BACE2: variants seen among roughly 807,000 people sequenced by gnomAD.
The protein encoded by BACE2 is 56 kDa aspartic-like protease.
In BACE2, 17 loss-of-function variants were observed where a neutral mutation model predicts 46.2. The observed-to-expected ratio is 0.37, with a 90% confidence interval of 0.25 to 0.55. The LOEUF (loss-of-function observed/expected upper bound fraction) is 0.55. Among genes scored for constraint, BACE2 ranks in the 20% least tolerant of loss-of-function variants. The pLI, the probability that BACE2 is intolerant of heterozygous loss-of-function variation, is 0.82. For synonymous variants in BACE2, 277 were observed against 295.9 expected (o/e 0.94, Z 0.66); for missense variants, 595 against 698.1 (o/e 0.85, Z 1.66).
chr21:41,175,827 G>A (rs1479098930), intron 1 of BACE2: 3 of 152,244 alleles, frequency 2.0e-5, no homozygotes, highest in Non-Finnish European at 2.9e-5. Context: ...TGGTGGAGGT[G>A]GGCATGAATT....
chr21:41,218,153 C>T (rs1182985602), intron 1 of BACE2, among the ~76,000 whole-genome samples: 2 of 152,104 alleles, frequency 1.3e-5, no homozygotes, highest in African/African-American at 4.8e-5. Context: ...AACTACAGAA[C>T]GATGGTTCTA....
intron 1 of BACE2, among the ~76,000 whole-genome samples, chr21:41,191,149 C>A (rs374091559): frequency 6.6e-6 from 1 of 152,132 alleles, no homozygotes. Flanking sequence ...ATATATGGGA[C>A]GCTGATTCAG....
At chr21:41,190,534 C>T (rs978676058) in intron 1 of BACE2, among the ~76,000 whole-genome samples, 13 of 152,202 alleles carry the variant, frequency 8.5e-5, no homozygotes, top group African/African-American at 1.9e-4. Context: ...CAGCTGGTCA[C>T]GTGGTTGTAG....
At chr21:41,265,763 C>T (rs1332166223) in intron 8 of BACE2, among the ~76,000 whole-genome samples, 1 of 152,050 alleles carries the variant, frequency 6.6e-6, no homozygotes, top group Non-Finnish European at 1.5e-5. Context: ...TAAAACTTTG[C>T]TTATGACATG....
intron 1 of BACE2, among the ~76,000 whole-genome samples, chr21:41,170,248 C>G (rs2297272): frequency 0.12 from 18,211 of 151,730 alleles, 1,202 homozygotes; most frequent in East Asian, 0.24. Flanking sequence ...TAATAACTTG[C>G]CTGTTAATTA....
intron 1 of BACE2, among the ~76,000 whole-genome samples, chr21:41,219,293 G>T (rs1986567153): frequency 6.6e-6 from 1 of 152,148 alleles, no homozygotes; most frequent in Non-Finnish European, 1.5e-5. Flanking sequence ...TTTAAAAATA[G>T]ATGTAAAGCT....
In BACE2 at chr21:41,193,521, C is replaced by T. The variant is rs1204899511; in HGVS notation, c.312+24946C>T. Reference sequence around the variant, plus strand: ...ATCCTTCAAGTCCTTGATGGTGGCACTAATCTCCACAATCCCTTCAGGGAT... The same window carrying T: ...ATCCTTCAAGTCCTTGATGGTGGCATTAATCTCCACAATCCCTTCAGGGAT... On this transcript the variant is annotated intron_variant, in intron 1 of 8. Transcript: ENST00000330333. This position sits in a 1 kb window ranked among gnomAD's most constrained non-coding sequence, Gnocchi z 4.2. Among the ~76,000 whole-genome samples, 1 of 152,216 alleles carries T rather than the reference C, an allele frequency of 6.6e-6. No homozygotes were observed. Among genetic ancestry groups the T allele is most frequent in the Non-Finnish European group, 1.5e-5 (1 of 68,036 alleles).
chr21:41,170,892 C>T (rs1241944562), intron 1 of BACE2, among the ~76,000 whole-genome samples: 19 of 152,162 alleles, frequency 1.2e-4, no homozygotes, highest in Admixed American at 1.0e-3. Context: ...CCCAGGAATC[C>T]CCACCCACCA....
chr21:41,266,297 G>T (rs912340780), intron 8 of BACE2, among the ~76,000 whole-genome samples: 1 of 152,074 alleles, frequency 6.6e-6, no homozygotes, highest in East Asian at 1.9e-4. Context: ...TTCCATCACC[G>T]ATGGGGAGTT....
In BACE2 at chr21:41,278,335, A is replaced by C. The variant is rs921986652; in HGVS notation, c.*2711A>C. The C allele has an allele frequency of 6.6e-6, 1 of 152,220 alleles. No homozygotes were observed. The highest frequency in any genetic ancestry group is 2.4e-5 in the African/African-American group (1 of 41,444). The allele number at this position is 152,220 out of a possible 1,614,324, so 9.4% of individuals were successfully genotyped here. A position where few individuals can be genotyped will look rare whatever the true frequency, so the allele number is the denominator to read the frequency against. On this transcript the variant is annotated 3_prime_UTR_variant, in exon 9 of 9. Coordinates refer to ENST00000330333, the MANE Select transcript of BACE2 (RefSeq NM_012105.5). The stretch of plus-strand genomic sequence containing the variant: ...AATAGCAAGAAACAAGATGGGGACC[A>C]ATTCTATTTTTATTCTTGGGAATTT...
At chr21:41,262,454 A>C (rs1329511277) in intron 8 of BACE2, among the ~76,000 whole-genome samples, 1 of 151,876 alleles carries the variant, frequency 6.6e-6, no homozygotes, top group Non-Finnish European at 1.5e-5. Flanking sequence ...TTTTTTAGTT[A>C]TAGGACAATA....
chr21:41,243,611 C>G (rs1237173653), intron 5 of BACE2, 101 bp downstream of exon 5: 1 of 1,252,720 alleles, frequency 8.0e-7, no homozygotes, highest in Non-Finnish European at 1.1e-6. Context: ...TACATTACCT[C>G]GTAAGATAAA....
At chr21:41,223,507 G>A (rs1316098041) in intron 1 of BACE2, among the ~76,000 whole-genome samples, 1 of 152,118 alleles carries the variant, frequency 6.6e-6, no homozygotes, top group East Asian at 1.9e-4. Context: ...CAGTCCTTTG[G>A]CATTCTTGTG....
chr21:41,250,313 G>A (rs1987601860), intron 6 of BACE2, among the ~76,000 whole-genome samples: 1 of 152,194 alleles, frequency 6.6e-6, no homozygotes, highest in Non-Finnish European at 1.5e-5. Context: ...TGGGCTTATG[G>A]AATTCAGAGG....
chr21:41,205,410 A>G (rs1056024384), intron 1 of BACE2, among the ~76,000 whole-genome samples: 7 of 152,214 alleles, frequency 4.6e-5, no homozygotes, highest in Admixed American at 3.9e-4. Context: ...ACTCCTTGCA[A>G]TTATTCTAGA....
intron 6 of BACE2, among the ~76,000 whole-genome samples, chr21:41,248,069 A>G (rs528547422): frequency 6.6e-6 from 1 of 152,202 alleles, no homozygotes; most frequent in African/African-American, 2.4e-5. Flanking sequence ...GGAGTTCTGT[A>G]TTTAGAAATG....
chr21:41,174,961 C>T (rs1423873180), intron 1 of BACE2, among the ~76,000 whole-genome samples: 5 of 152,144 alleles, frequency 3.3e-5, no homozygotes, highest in Admixed American at 2.0e-4. Context: ...TGGGTATAAA[C>T]ATGTTTCTGG....
chr21:41,191,203 G>GTATT (rs1209343779), intron 1 of BACE2, among the ~76,000 whole-genome samples: 1 of 152,180 alleles, frequency 6.6e-6, no homozygotes, highest in African/African-American at 2.4e-5. Context: ...GGCATGCAAA[G>GTATT]TATTGTCACC....
At chr21:41,175,681 C>T (rs937409533) in intron 1 of BACE2, 2 of 152,756 alleles carry the variant, frequency 1.3e-5, no homozygotes, top group Non-Finnish European at 2.9e-5. Flanking sequence ...GATTTCATGC[C>T]ACGGGGGTGG....
Sources: gnomAD v4.1 joint callset for allele counts (sites outside exome capture counted in the v4.1 genomes callset) on GRCh38, gnomAD v4.1.1 for gene constraint, Gnocchi (gnomAD v3.1) non-coding constraint, MANE v1.5 for transcripts, NCBI Gene and HGNC (gene_info 2026-07-23, HGNC 2026-07-21) for gene names.